Variants in C10orf143 observed in about 807,000 individuals in gnomAD.
The protein encoded by C10orf143 is uncharacterized protein C10orf143.
intron 1 of C10orf143, chr10:130,106,574 G>A (rs914725650): frequency 1.9e-6 from 3 of 1,559,902 alleles, no homozygotes; most frequent in Non-Finnish European, 2.6e-6. Context: ...ACAGCCTCTA[G>A]CAGATGAGTC....
chr10:130,036,292 T>G (rs1860544398), intron 3 of C10orf143, among the ~76,000 whole-genome samples: 1 of 152,152 alleles, frequency 6.6e-6, no homozygotes, highest in Admixed American at 6.5e-5. Flanking sequence ...GAGGAGCCCA[T>G]CTGGGGTCTT....
At chr10:130,102,334 G>A (rs1861571210) in intron 1 of C10orf143, among the ~76,000 whole-genome samples, 1 of 152,050 alleles carries the variant, frequency 6.6e-6, no homozygotes, top group African/African-American at 2.4e-5. Flanking sequence ...AAGCCGAAGT[G>A]CAGTGGCGCC....
At position 130,056,615 on chromosome 10, in the gene C10orf143, G is replaced by A. The variant is rs1488620394; in HGVS notation, c.298-20645C>T. Among the ~76,000 whole-genome samples the A allele has an allele frequency of 1.3e-5, 2 of 151,940 alleles. No individual in the cohort carries two copies. Among genetic ancestry groups the A allele is most frequent in the Admixed American group, 6.6e-5 (1 of 15,258 alleles). On this transcript the variant is annotated intron_variant and NMD_transcript_variant, in intron 3 of 5. Transcript: ENST00000643056. The surrounding 1 kb of genome is among the most constrained non-coding windows in gnomAD (Gnocchi z 4.6). The stretch of plus-strand genomic sequence containing the variant: ...ATTTTATTTTATTTTATTTTGAAAT[G>A]GAGTCTCGCTCTGTCGCCCAGGCTG...
chr10:130,106,957 T>G, intron 1 of C10orf143: 1 of 1,005,860 alleles, frequency 9.9e-7, no homozygotes, highest in Non-Finnish European at 1.6e-6. Context: ...CTTACTTAGA[T>G]GATCCTCTAA....
intron 3 of C10orf143, among the ~76,000 whole-genome samples, chr10:130,078,838 A>G (rs1345735459): frequency 6.6e-6 from 1 of 152,122 alleles, no homozygotes; most frequent in Non-Finnish European, 1.5e-5. Flanking sequence ...TTAGGGGGCA[A>G]TCTCAGAAAT....
chr10:130,079,755 C>T lies in C10orf143; in HGVS notation c.216G>A (p.Gln72=), dbSNP rs376687052. 2 of 398,692 alleles carry T rather than the reference C, an allele frequency of 5.0e-6. No individual in the cohort carries two copies. The highest frequency in any genetic ancestry group is 2.1e-5 in the African/African-American group (1 of 48,762). 24.7% of individuals were successfully genotyped at this position (398,692 alleles called of 1,614,324 possible). The change falls in exon 2 of 4, where the codon CAG becomes CAA. Residue 72 remains glutamine, a synonymous_variant. Transcript: ENST00000637128. ...AACATACCCCTGTACTTAGCCTCCC[C>T]TGGCCACTCTCTGGCCTTGGTGCTG... The part of the protein sequence containing the change: ...CLPAPRPESG[Q]GRLSTGISQN...
intron 1 of C10orf143, chr10:130,107,266 G>A (rs1190694463): frequency 8.4e-7 from 1 of 1,183,656 alleles, no homozygotes; most frequent in East Asian, 2.3e-5. Flanking sequence ...GCCGGTTAGA[G>A]AAAGAAGAGA....
chr10:130,049,482 A>G (rs1023249963), intron 3 of C10orf143, among the ~76,000 whole-genome samples: 2 of 152,236 alleles, frequency 1.3e-5, no homozygotes, highest in Non-Finnish European at 2.9e-5. Flanking sequence ...CCCCTGGGCC[A>G]GCCAGATCGC....
At chr10:130,094,989 C>CA (rs139342007) in intron 1 of C10orf143, among the ~76,000 whole-genome samples, 87,828 of 151,886 alleles carry the variant, frequency 0.58, 26,822 homozygotes, top group Admixed American at 0.7. Flanking sequence ...ATTGTCTCAG[C>CA]AAAAAATCTC....
chr10:130,097,624 C>T (rs1195954701), intron 1 of C10orf143, among the ~76,000 whole-genome samples: 4 of 152,140 alleles, frequency 2.6e-5, no homozygotes, highest in African/African-American at 7.2e-5. Context: ...ACACAATGAT[C>T]GGTACCTATG....
intron 1 of C10orf143, chr10:130,107,633 AG>A (rs776331853): frequency 7.5e-7 from 1 of 1,334,842 alleles, no homozygotes; most frequent in Admixed American, 1.7e-5. Flanking sequence ...ATCTGAAACG[AG>A]AGCTTTTCTC....
At position 130,091,337 on chromosome 10, in the gene C10orf143, T is replaced by C. The variant is rs556754640; in HGVS notation, c.70-11436A>G. Among the ~76,000 whole-genome samples the C allele has an allele frequency of 2.6e-5, 4 of 152,258 alleles. No homozygotes were observed. In the South Asian group the frequency reaches 8.3e-4, roughly 32 times the overall value. ...TACCTGCAGCAAAGGAGCATGACTCTTAGAAGGAAAACTAACAAACAGAAA... is the reference window on the plus strand; with the variant it reads ...TACCTGCAGCAAAGGAGCATGACTCCTAGAAGGAAAACTAACAAACAGAAA... On this transcript the variant is annotated intron_variant, in intron 1 of 3. Transcript: ENST00000637128.
intron 3 of C10orf143, among the ~76,000 whole-genome samples, chr10:130,041,910 TCATA>T (rs1354070466): frequency 1.3e-5 from 2 of 151,800 alleles, no homozygotes; most frequent in Non-Finnish European, 2.9e-5. Context: ...ATGCACACAC[TCATA>T]CAATTACATA....
In C10orf143 at chr10:130,045,357, G is replaced by A. The variant is rs536737133; in HGVS notation, c.298-9387C>T. 3.3e-4 allele frequency among the ~76,000 whole-genome samples: 50 copies of A among 152,332 alleles called. No homozygotes were observed. The South Asian group carries it at 9.9e-3, about 30-fold the overall frequency. On this transcript the variant is annotated intron_variant and NMD_transcript_variant, in intron 3 of 5. Transcript: ENST00000643056. ...CCGAGGTCCTGCTTCCAGAACCTTT[G>A]GCAACAGAAAAGGAAACCCGCACAG... is the stretch of plus-strand genomic sequence containing the variant.
intron 3 of C10orf143, among the ~76,000 whole-genome samples, chr10:130,052,508 C>G (rs905261151): frequency 1.3e-5 from 2 of 152,204 alleles, no homozygotes; most frequent in Non-Finnish European, 2.9e-5. Context: ...GAGGTGCAAG[C>G]TGGGTCTCAC....
intron 1 of C10orf143, among the ~76,000 whole-genome samples, chr10:130,081,395 T>C (rs1861205955): frequency 6.6e-6 from 1 of 152,204 alleles, no homozygotes; most frequent in Admixed American, 6.5e-5. Context: ...TCATACACCA[T>C]TCTCAGTACA....
intron 1 of C10orf143, among the ~76,000 whole-genome samples, chr10:130,098,946 C>T (rs1048366855): frequency 1.3e-5 from 2 of 151,774 alleles, no homozygotes; most frequent in African/African-American, 4.8e-5. Context: ...ATTAGCCAGG[C>T]GTAGTAGTGC....
chr10:130,048,720 A>G (rs1412922648), intron 3 of C10orf143, among the ~76,000 whole-genome samples: 1 of 152,106 alleles, frequency 6.6e-6, no homozygotes, highest in Non-Finnish European at 1.5e-5. Flanking sequence ...TCTTCTTTTT[A>G]AGAGTCAGAA....
chr10:130,094,987 A>G (rs1412584751), intron 1 of C10orf143, among the ~76,000 whole-genome samples: 1 of 96,830 alleles, frequency 1.0e-5, no homozygotes, highest in East Asian at 3.4e-4. Context: ...CCATTGTCTC[A>G]GCAAAAAATC....
Sources: gnomAD v4.1 joint callset for allele counts (sites outside exome capture counted in the v4.1 genomes callset) on GRCh38, gnomAD v4.1.1 for gene constraint, Gnocchi (gnomAD v3.1) non-coding constraint, MANE v1.5 for transcripts, NCBI Gene and HGNC (gene_info 2026-07-23, HGNC 2026-07-21) for gene names.